The following IMMP2L variants were observed in gnomAD, a reference collection of about 807,000 sequenced individuals.
IMMP2L encodes the protein inner mitochondrial membrane peptidase subunit 2, also known as mitochondrial inner membrane protease subunit 2.
In IMMP2L, 18 loss-of-function variants were observed where a neutral mutation model predicts 19.3. That is an observed-to-expected ratio of 0.93 (90% confidence interval 0.64 to 1.38). The LOEUF is 1.38. Ranked by LOEUF, IMMP2L falls within the 40% of genes most tolerant of loss-of-function variation. The probability of loss-of-function intolerance (pLI) is 0.00; values close to 1 mark genes in which losing one functional copy is unlikely to be tolerated. For missense variants in IMMP2L, 233 were observed against 218.2 expected, an observed-to-expected ratio of 1.07 and a Z score of -0.43; for synonymous variants, 76 against 73.0, an observed-to-expected ratio of 1.04 and a Z score of -0.21.
At chr7:111,278,775 A>G (rs1819381600) in intron 3 of IMMP2L, among the ~76,000 whole-genome samples, 1 of 152,168 alleles carries the variant, frequency 6.6e-6, no homozygotes, top group African/African-American at 2.4e-5. Context: ...CCACATACAC[A>G]AGTAATCTAG....
At chr7:110,702,296 T>C (rs1794340094) in intron 5 of IMMP2L, among the ~76,000 whole-genome samples, 2 of 152,156 alleles carry the variant, frequency 1.3e-5, no homozygotes, top group Admixed American at 6.5e-5. Flanking sequence ...GAATACAAAT[T>C]TGGATTTTAT....
chr7:110,899,152 G>A (rs954332138), intron 4 of IMMP2L, among the ~76,000 whole-genome samples: 3 of 151,990 alleles, frequency 2.0e-5, no homozygotes, highest in Non-Finnish European at 4.4e-5. Flanking sequence ...TCTTTTGAAT[G>A]ACCTTTGCAT....
At chr7:110,960,123 T>C (rs960160700) in intron 4 of IMMP2L, among the ~76,000 whole-genome samples, 2 of 151,972 alleles carry the variant, frequency 1.3e-5, no homozygotes, top group African/African-American at 4.8e-5. Flanking sequence ...TCCTGTTAGA[T>C]TGCTTTATGT....
At chr7:111,266,271 G>A (rs1031113739) in intron 3 of IMMP2L, among the ~76,000 whole-genome samples, 1 of 152,006 alleles carries the variant, frequency 6.6e-6, no homozygotes, top group Non-Finnish European at 1.5e-5. Flanking sequence ...AGCCAGGCAC[G>A]GTGGCTCACA....
chr7:111,150,505 G>C (rs1562857957), intron 3 of IMMP2L, among the ~76,000 whole-genome samples: 1 of 152,156 alleles, frequency 6.6e-6, no homozygotes, highest in Non-Finnish European at 1.5e-5. Flanking sequence ...CCCTGGGACA[G>C]AGTCTGACAG....
chr7:111,143,265 C>T (rs1303957160), intron 3 of IMMP2L, among the ~76,000 whole-genome samples: 1 of 152,086 alleles, frequency 6.6e-6, no homozygotes, highest in Non-Finnish European at 1.5e-5. Context: ...GTTATAACTA[C>T]TAAGAAGTAA....
intron 5 of IMMP2L, among the ~76,000 whole-genome samples, chr7:110,865,089 A>G (rs1187610623): frequency 6.6e-6 from 1 of 152,058 alleles, no homozygotes; most frequent in African/African-American, 2.4e-5. Context: ...TTAATTCAGT[A>G]TTTAAAATTT....
intron 5 of IMMP2L, among the ~76,000 whole-genome samples, chr7:110,712,332 G>A (rs1262858203): frequency 6.1e-5 from 2 of 32,706 alleles, no homozygotes; most frequent in Admixed American, 2.8e-4. Context: ...GGGGGTCAGG[G>A]GTCAGGGACC....
intron 4 of IMMP2L, among the ~76,000 whole-genome samples, chr7:110,898,524 T>A (rs1811547142): frequency 6.6e-6 from 1 of 152,144 alleles, no homozygotes; most frequent in Non-Finnish European, 1.5e-5. Context: ...CTAAAATGTC[T>A]TCATACTTAG....
At chr7:111,438,234 A>T (rs1837377943) in intron 3 of IMMP2L, among the ~76,000 whole-genome samples, 1 of 151,714 alleles carries the variant, frequency 6.6e-6, no homozygotes, top group Admixed American at 6.6e-5. Context: ...GACACATATC[A>T]ATTATTTTTA....
At chr7:111,286,984 T>C (rs937423373) in intron 3 of IMMP2L, among the ~76,000 whole-genome samples, 2 of 152,200 alleles carry the variant, frequency 1.3e-5, no homozygotes, top group Non-Finnish European at 2.9e-5. Context: ...CAAGATAAAC[T>C]GGCTGCAAAA....
intron 3 of IMMP2L, among the ~76,000 whole-genome samples, chr7:110,971,977 T>C (rs534157540): frequency 2.6e-4 from 40 of 152,202 alleles, no homozygotes; most frequent in African/African-American, 9.6e-4. Flanking sequence ...TCCTGGAGAA[T>C]GCTGACAGTG....
chr7:110,961,816 A>C (rs1321295198), intron 4 of IMMP2L, among the ~76,000 whole-genome samples: 1 of 151,912 alleles, frequency 6.6e-6, no homozygotes, highest in Non-Finnish European at 1.5e-5. Context: ...GACATCAAAG[A>C]CTATATATTG....
At chr7:111,438,359 C>A (rs1210612978) in intron 3 of IMMP2L, among the ~76,000 whole-genome samples, 1 of 151,544 alleles carries the variant, frequency 6.6e-6, no homozygotes, top group Non-Finnish European at 1.5e-5. Context: ...TATAAACTGT[C>A]ATCTCTTTTT....
chr7:111,322,775 A>T (rs1760156410), intron 3 of IMMP2L, among the ~76,000 whole-genome samples: 1 of 151,904 alleles, frequency 6.6e-6, no homozygotes, highest in South Asian at 2.1e-4. Context: ...GCAGGTTAAC[A>T]TTTATGGGTC....
At chr7:110,854,378 T>C (rs1176502978) in intron 5 of IMMP2L, among the ~76,000 whole-genome samples, 12 of 151,942 alleles carry the variant, frequency 7.9e-5, no homozygotes, top group Non-Finnish European at 1.5e-4. Context: ...CTAAATCATT[T>C]TGGAAAATCC....
At position 111,071,810 on chromosome 7, in the gene IMMP2L, T is replaced by C. The variant is rs114704506; in HGVS notation, c.240-108245A>G. 4.2e-3 allele frequency among the ~76,000 whole-genome samples: 647 copies of C among 152,278 alleles called. 4 individuals carry two copies. The highest frequency in any genetic ancestry group is 0.015 in the African/African-American group (628 of 41,576). On this transcript the variant is annotated intron_variant, in intron 3 of 5. Transcript: ENST00000405709. ...ACACTTTGTAACTTGATATAGGTGGTGGTTGTACAACACTGTCAATGCATT... is the reference window on the plus strand; with the variant it reads ...ACACTTTGTAACTTGATATAGGTGGCGGTTGTACAACACTGTCAATGCATT...
chr7:111,094,156 T>G (rs530031332), intron 3 of IMMP2L, among the ~76,000 whole-genome samples: 2 of 152,294 alleles, frequency 1.3e-5, no homozygotes, highest in African/African-American at 4.8e-5. Context: ...TGAATTTTTT[T>G]GGGGTGTAAC....
chr7:111,293,870 T>C (rs1011883531), intron 3 of IMMP2L, among the ~76,000 whole-genome samples: 17 of 151,908 alleles, frequency 1.1e-4, no homozygotes, highest in African/African-American at 4.1e-4. Context: ...AGAATGATAC[T>C]CAGGAATACA....
Sources: allele counts gnomAD v4.1 joint callset (sites outside exome capture counted in the v4.1 genomes callset), GRCh38; gene constraint gnomAD v4.1.1; transcripts MANE v1.5; gene names NCBI Gene and HGNC (gene_info 2026-07-23, HGNC 2026-07-21).